The following DOCK6 variants were observed in gnomAD, a reference collection of about 807,000 sequenced individuals.
DOCK6 encodes dedicator of cytokinesis 6, also known as dedicator of cytokinesis protein 6.
In DOCK6, 167 loss-of-function variants were observed where a neutral mutation model predicts 230.3. That is an observed-to-expected ratio of 0.73 (90% CI 0.64 to 0.82). The LOEUF (loss-of-function observed/expected upper bound fraction) is 0.82, where lower values mean the gene tolerates loss of function less well. DOCK6 is among the 40% of genes least tolerant of loss of function. DOCK6 has a pLI of 0.00. For synonymous variants in DOCK6, 1,148 were observed against 1,185.0 expected, an observed-to-expected ratio of 0.97 and a Z score of 0.64; for missense variants, 2,598 against 2,825.8, an observed-to-expected ratio of 0.92 and a Z score of 1.83.
At chr19:11,238,521 A>T in intron 14 of DOCK6, 1 of 567,564 alleles carries the variant, frequency 1.8e-6, no homozygotes, top group South Asian at 2.1e-5. Flanking sequence ...CACCCTAAAA[A>T]CACAGATTGG....
chr19:11,209,251 A>G, intron 37 of DOCK6, 148 bp from the exon 38 acceptor site: 1 of 911,516 alleles, frequency 1.1e-6, no homozygotes, highest in Non-Finnish European at 1.6e-6. Flanking sequence ...CCCCTCACTC[A>G]TTCCCTCACC....
chr19:11,227,585 T>G, intron 23 of DOCK6, 108 bp from the exon 24 acceptor site: 26 of 1,265,272 alleles, frequency 2.1e-5, no homozygotes, highest in East Asian at 5.6e-5. Context: ...TGAAGGACTG[T>G]GGGTGGGGCT....
chr19:11,242,231 C>T (rs2079958777), intron 13 of DOCK6, 24 bp from the exon 14 acceptor site: 1 of 1,435,166 alleles, frequency 7.0e-7, no homozygotes, highest in Non-Finnish European at 9.1e-7. Flanking sequence ...AACCGGTTTG[C>T]ACCTGCCTGG....
chr19:11,248,212 C>A (rs914159502), intron 6 of DOCK6, 61 bp from the exon 7 acceptor site: 27 of 1,348,092 alleles, frequency 2.0e-5, no homozygotes, highest in Non-Finnish European at 2.8e-5. Flanking sequence ...CAGGAAGGGT[C>A]TGGAATGCCC....
chr19:11,201,855 C>A lies in DOCK6; in HGVS notation c.5688+34G>T. On this transcript the variant is annotated intron_variant, in intron 44 of 47. Transcript: ENST00000294618. This position sits in a 1 kb window ranked among gnomAD's most constrained non-coding sequence, Gnocchi z 4.3. Reference sequence around the variant, plus strand: ...CCCAGGGTCTGATGTCCCCTCACCTCCCCACCCCCGCCAGGCCCAGGATCC... The same window carrying A: ...CCCAGGGTCTGATGTCCCCTCACCTACCCACCCCCGCCAGGCCCAGGATCC... 4.4e-5 allele frequency: 56 copies of A among 1,269,944 alleles called. No homozygotes were observed. Among genetic ancestry groups the A allele is most frequent in the Non-Finnish European group, 5.5e-5 (50 of 910,690 alleles). The allele number at this position is 1,269,944 out of a possible 1,614,324, so 78.7% of individuals were successfully genotyped here.
intron 23 of DOCK6, among the ~76,000 whole-genome samples, chr19:11,228,140 A>G (rs2147801680): frequency 6.6e-6 from 1 of 150,504 alleles, no homozygotes; most frequent in South Asian, 2.1e-4. Context: ...TCTCCCATGT[A>G]GCTGAGATTA....
intron 1 of DOCK6, among the ~76,000 whole-genome samples, chr19:11,255,887 C>T (rs897554844): frequency 1.3e-5 from 2 of 152,076 alleles, no homozygotes; most frequent in African/African-American, 4.8e-5. Context: ...CCCGGGTTCA[C>T]GCCATTCTCC....
Position 11,202,203 on chromosome 19 carries a change from C to G in DOCK6, c.5452-78G>C, listed in dbSNP as rs1767931831. On this transcript the variant is annotated intron_variant, in intron 43 of 47. Coordinates refer to ENST00000294618, the MANE Select transcript of DOCK6 (RefSeq NM_020812.4). The surrounding 1 kb of genome is among the most constrained non-coding windows in gnomAD (Gnocchi z 5.3). ...AGCCCTGTTCCTGGAGAGAGGGGATCTGGGGACTTTGTCATTTCCAAGTCT... is the reference window on the plus strand; with the variant it reads ...AGCCCTGTTCCTGGAGAGAGGGGATGTGGGGACTTTGTCATTTCCAAGTCT... 2.0e-6 allele frequency: 3 copies of G among 1,497,572 alleles called. No individual in the cohort carries two copies. Among genetic ancestry groups the G allele is most frequent in the Non-Finnish European group, 2.8e-6 (3 of 1,087,976 alleles). 92.8% of individuals were successfully genotyped at this position (1,497,572 alleles called of 1,614,324 possible).
At chr19:11,204,473 A>G in intron 39 of DOCK6, 142 bp from the exon 40 acceptor site, 10 of 1,166,832 alleles carry the variant, frequency 8.6e-6, no homozygotes, top group Non-Finnish European at 1.1e-5. Context: ...GACCACCCCT[A>G]TCCCAGATAG....
intron 16 of DOCK6, 79 bp downstream of exon 16, chr19:11,237,966 C>A (rs887353115): frequency 4.0e-6 from 6 of 1,516,744 alleles, no homozygotes; most frequent in Non-Finnish European, 5.4e-6. Context: ...CCCATCGATG[C>A]TGCCTTATGT....
chr19:11,230,480 G>A (rs569187609), intron 22 of DOCK6, among the ~76,000 whole-genome samples: 1 of 152,302 alleles, frequency 6.6e-6, no homozygotes, highest in East Asian at 1.9e-4. Context: ...GCTGGGAATG[G>A]GTACATGGTG....
intron 24 of DOCK6, among the ~76,000 whole-genome samples, chr19:11,224,933 G>A (rs531754592): frequency 1.3e-5 from 2 of 152,242 alleles, no homozygotes; most frequent in East Asian, 1.9e-4. Context: ...GGGTGGTGGT[G>A]GGCGCCTATA....
At chr19:11,219,173 G>GT (rs1568231463) in intron 28 of DOCK6, among the ~76,000 whole-genome samples, 2 of 125,190 alleles carry the variant, frequency 1.6e-5, no homozygotes, top group Non-Finnish European at 3.2e-5. Context: ...CACTGCGCCC[G>GT]GTTTTTTTTT....
At chr19:11,251,312 C>T (rs1186711796) in intron 5 of DOCK6, 12 of 549,680 alleles carry the variant, frequency 2.2e-5, no homozygotes, top group Non-Finnish European at 3.9e-5. Context: ...TACTCCTTAT[C>T]CCACATTTGG....
In DOCK6 at chr19:11,222,425, G is replaced by A; in HGVS notation, c.3241-177C>T. 2.2e-6 allele frequency: 2 copies of A among 900,950 alleles called. No individual in the cohort carries two copies. The highest frequency in any genetic ancestry group is 3.3e-6 in the Non-Finnish European group (2 of 608,662). 55.8% of individuals were successfully genotyped at this position (900,950 alleles called of 1,614,324 possible). ...ATGGGTTTCAAGGCCAGAAGTGAGG[G>A]GCTGACGTTAACCCATCTGTGATGT... On this transcript the variant is annotated intron_variant, in intron 26 of 47. Transcript: ENST00000294618. This position sits in a 1 kb window ranked among gnomAD's most constrained non-coding sequence, Gnocchi z 4.0.
At chr19:11,249,724 C>T (rs1307876702) in intron 6 of DOCK6, among the ~76,000 whole-genome samples, 1 of 151,022 alleles carries the variant, frequency 6.6e-6, no homozygotes, top group East Asian at 2.0e-4. Flanking sequence ...GGCCAAACCC[C>T]GTCTCTACTA....
chr19:11,216,523 T>C (rs1250126460), intron 30 of DOCK6, among the ~76,000 whole-genome samples: 1 of 152,080 alleles, frequency 6.6e-6, no homozygotes, highest in Non-Finnish European at 1.5e-5. Context: ...TTCTCCTGTC[T>C]CAGCCTCCCA....
chr19:11,213,429 C>T, intron 34 of DOCK6, 101 bp from the exon 35 acceptor site: 1 of 1,491,560 alleles, frequency 6.7e-7, no homozygotes, highest in African/African-American at 1.4e-5. Flanking sequence ...GGTTTGTGTT[C>T]TGTCCTCTTT....
At chr19:11,203,919 G>T in intron 41 of DOCK6, 162 bp downstream of exon 41, 1 of 937,202 alleles carries the variant, frequency 1.1e-6, no homozygotes, top group Non-Finnish European at 1.6e-6. Flanking sequence ...GCATTTTTGG[G>T]GAAGGGAGGG....
Sources: gnomAD v4.1 joint callset for allele counts (sites outside exome capture counted in the v4.1 genomes callset) on GRCh38, gnomAD v4.1.1 for gene constraint, Gnocchi (gnomAD v3.1) non-coding constraint, MANE v1.5 for transcripts, NCBI Gene and HGNC (gene_info 2026-07-23, HGNC 2026-07-21) for gene names.